The following MLLT3 variants were observed in gnomAD, a reference collection of about 807,000 sequenced individuals.
MLLT3 encodes MLLT3 super elongation complex subunit.
Under a neutral mutation model 53.2 loss-of-function variants are expected in MLLT3, and 4 were observed. That is an observed-to-expected ratio of 0.08 (90% CI 0.04 to 0.17). The LOEUF is 0.17. Ranked by LOEUF, MLLT3 falls within the 10% of genes least tolerant of loss-of-function variation. MLLT3 has a pLI of 1.00. For missense variants in MLLT3, 569 were observed against 684.0 expected (o/e 0.83, Z 1.87); for synonymous variants, 283 against 230.6 (o/e 1.23, Z -2.06).
At chr9:20,347,799 T>G (rs1303033141) in intron 10 of MLLT3, among the ~76,000 whole-genome samples, 1 of 152,232 alleles carries the variant, frequency 6.6e-6, no homozygotes, top group Non-Finnish European at 1.5e-5. Context: ...TGATTCTCTT[T>G]AGGTCAATAA....
chr9:20,620,548 G>A lies in MLLT3; in HGVS notation c.193+106C>T, dbSNP rs186789564. 5.8e-6 allele frequency: 6 copies of A among 1,041,044 alleles called. No individual in the cohort carries two copies. Among genetic ancestry groups the A allele is most frequent in the Non-Finnish European group, 7.7e-6 (6 of 781,400 alleles). 64.5% of individuals were successfully genotyped at this position (1,041,044 alleles called of 1,614,324 possible). A position where few individuals can be genotyped will look rare whatever the true frequency, so the allele number is the denominator to read the frequency against. On this transcript the variant is annotated intron_variant, in intron 2 of 10. Transcript: ENST00000380338. This position sits in a 1 kb window ranked among gnomAD's most constrained non-coding sequence, Gnocchi z 6.1. ...CGCACCCGGATCCCGAGGCTACGCC[G>A]GCGAGCGCGGCGCGGGGGGCGGGGA...
chr9:20,433,415 T>A (rs999140791), intron 4 of MLLT3, among the ~76,000 whole-genome samples: 3 of 152,054 alleles, frequency 2.0e-5, no homozygotes, highest in African/African-American at 7.3e-5. Context: ...TAAACTTAAG[T>A]CTGAGGAAAA....
At chr9:20,522,251 G>C (rs555554416) in intron 2 of MLLT3, among the ~76,000 whole-genome samples, 17 of 143,134 alleles carry the variant, frequency 1.2e-4, no homozygotes, top group South Asian at 2.2e-4. Context: ...AAATAAGACA[G>C]CCAAAGTCAT....
intron 5 of MLLT3, among the ~76,000 whole-genome samples, chr9:20,377,336 A>C (rs1219338524): frequency 6.6e-6 from 1 of 152,212 alleles, no homozygotes; most frequent in Non-Finnish European, 1.5e-5. Context: ...TCTTCTCAAC[A>C]TTTATAACGG....
In MLLT3 at chr9:20,456,754, A is replaced by T; in HGVS notation, c.226T>A (p.Ser76Thr). 2 of 1,605,574 alleles carry T rather than the reference A, an allele frequency of 1.2e-6. No homozygotes were observed. The highest frequency in any genetic ancestry group is 1.7e-6 in the Non-Finnish European group (2 of 1,177,776). ...CKDPPYKVEESGYAGFILPIE... is the reference protein window; with the variant it reads ...CKDPPYKVEETGYAGFILPIE... Reference sequence around the variant, plus strand: ...GGCAAAATGAAACCAGCATACCCAGATTCTTCTACTTTGTAAGGTGGATCT... The same window carrying T: ...GGCAAAATGAAACCAGCATACCCAGTTTCTTCTACTTTGTAAGGTGGATCT... Residue 76 changes from serine to threonine, a missense_variant, in exon 3 of 11, where the codon TCT becomes ACT. Ser to Thr is a moderately conservative substitution (Grantham distance 58). This residue lies in a region of MLLT3 where 35 missense variants were observed against 136.8 expected (regional missense o/e 0.26). Transcript: ENST00000380338.
At chr9:20,375,843 C>T (rs1214820780) in intron 5 of MLLT3, among the ~76,000 whole-genome samples, 1 of 151,842 alleles carries the variant, frequency 6.6e-6, no homozygotes, top group Non-Finnish European at 1.5e-5. Flanking sequence ...CTCCTGACCT[C>T]GTGATCCGCC....
chr9:20,419,830 G>A (rs956938340), intron 4 of MLLT3, among the ~76,000 whole-genome samples: 7 of 152,154 alleles, frequency 4.6e-5, no homozygotes, highest in East Asian at 1.9e-4. Flanking sequence ...AACCAGAAAC[G>A]TTTTATGTGT....
At chr9:20,348,682 G>A (rs527487194) in intron 10 of MLLT3, among the ~76,000 whole-genome samples, 8 of 152,272 alleles carry the variant, frequency 5.3e-5, no homozygotes, top group Non-Finnish European at 8.8e-5. Context: ...TTCTTAGAAG[G>A]AGTGTACCCA....
At chr9:20,475,881 T>C (rs191852496) in intron 2 of MLLT3, among the ~76,000 whole-genome samples, 23 of 152,260 alleles carry the variant, frequency 1.5e-4, no homozygotes, top group African/African-American at 5.5e-4. Context: ...TATTGGTCAG[T>C]GTGTTATTTC....
chr9:20,350,942 T>C (rs1821011710), intron 10 of MLLT3, among the ~76,000 whole-genome samples: 1 of 152,164 alleles, frequency 6.6e-6, no homozygotes, highest in South Asian at 2.1e-4. Context: ...GAACAGGCCT[T>C]ACTTTAACTG....
intron 2 of MLLT3, among the ~76,000 whole-genome samples, chr9:20,536,953 GA>G: frequency 6.6e-6 from 1 of 152,026 alleles, no homozygotes; most frequent in Non-Finnish European, 1.5e-5. Flanking sequence ...ATGGCAGCCT[GA>G]ATGAAGAACA....
intron 2 of MLLT3, among the ~76,000 whole-genome samples, chr9:20,503,784 A>G (rs759059956): frequency 3.9e-5 from 6 of 152,220 alleles, no homozygotes; most frequent in Non-Finnish European, 7.4e-5. Flanking sequence ...CTGGAAAAAA[A>G]TATATGCAAA....
rs1821772228 is a variant in MLLT3 at position 20,376,623 on chromosome 9, G to A, written c.1126-10879C>T. On this transcript the variant is annotated intron_variant, in intron 5 of 10. Transcript: ENST00000380338. ...AGAAAATGTCATTAGGAAATAAAAT[G>A]GCCTCGGGGAGCAGGGGTCTATAAA... is the stretch of plus-strand genomic sequence containing the variant. Among the ~76,000 whole-genome samples, 5 of 152,208 alleles carry A rather than the reference G, an allele frequency of 3.3e-5. No homozygotes were observed. In the South Asian group the frequency reaches 1.0e-3, roughly 32 times the overall value.
intron 2 of MLLT3, among the ~76,000 whole-genome samples, chr9:20,597,145 A>T (rs1450448423): frequency 6.6e-6 from 1 of 152,004 alleles, no homozygotes; most frequent in East Asian, 1.9e-4. Context: ...GTATGCTATA[A>T]CCTTGATAAA....
chr9:20,584,693 A>C (rs936415026), intron 2 of MLLT3, among the ~76,000 whole-genome samples: 3 of 152,162 alleles, frequency 2.0e-5, no homozygotes, highest in African/African-American at 7.2e-5. Context: ...CACAAGAAAG[A>C]CCAGGCCCCA....
intron 2 of MLLT3, among the ~76,000 whole-genome samples, chr9:20,600,689 C>A (rs1298665081): frequency 6.6e-6 from 1 of 152,152 alleles, no homozygotes; most frequent in Non-Finnish European, 1.5e-5. Flanking sequence ...CCATCTTAAA[C>A]CTTACTCTTC....
At chr9:20,606,581 CAA>C (rs1023708546) in intron 2 of MLLT3, among the ~76,000 whole-genome samples, 59 of 152,146 alleles carry the variant, frequency 3.9e-4, no homozygotes, top group Non-Finnish European at 1.9e-4. Context: ...CAATTTCAGA[CAA>C]GAGAAGATGG....
intron 2 of MLLT3, among the ~76,000 whole-genome samples, chr9:20,471,833 A>ATT (rs202241460): frequency 3.1e-4 from 45 of 143,230 alleles, no homozygotes; most frequent in South Asian, 2.4e-3. Flanking sequence ...GTCACCTACC[A>ATT]TTTTTTTTTT....
chr9:20,482,939 C>T (rs1396180274), intron 2 of MLLT3, among the ~76,000 whole-genome samples: 1 of 152,104 alleles, frequency 6.6e-6, no homozygotes, highest in East Asian at 1.9e-4. Flanking sequence ...ACATATCTTC[C>T]ACCCTCTTGT....
Sources: allele counts gnomAD v4.1 joint callset (sites outside exome capture counted in the v4.1 genomes callset), GRCh38; gene constraint gnomAD v4.1.1; regional missense constraint gnomAD v4.1.1; non-coding constraint Gnocchi (gnomAD v3.1); transcripts MANE v1.5; gene names NCBI Gene and HGNC (gene_info 2026-07-23, HGNC 2026-07-21).